Variants in SLC12A7 observed in about 807,000 individuals in gnomAD.
SLC12A7 encodes the protein solute carrier family 12 member 7.
In SLC12A7, 100 loss-of-function variants were observed where a neutral mutation model predicts 120.6. The ratio of observed to expected loss-of-function variants is 0.83; its 90% CI spans 0.71 to 0.98. The LOEUF (loss-of-function observed/expected upper bound fraction) is 0.98, where lower values mean the gene tolerates loss of function less well. Among genes scored for constraint, SLC12A7 ranks in the 50% least tolerant of loss-of-function variants. The pLI, the probability that SLC12A7 is intolerant of heterozygous loss-of-function variation, is 0.00. For synonymous variants in SLC12A7, 760 were observed against 678.0 expected (o/e 1.12, Z -1.88); for missense variants, 1,373 against 1,548.1 (o/e 0.89, Z 1.90).
chr5:1,122,548 A>ATT, the SLC12A7 span, among the ~76,000 whole-genome samples: 5 of 152,234 alleles, frequency 3.3e-5, no homozygotes, highest in Non-Finnish European at 7.3e-5. Context: ...GACGAACCGC[A>ATT]TTCCCACAGC....
chr5:1,053,275 A>G (rs1199129464), intron 23 of SLC12A7, 74 bp downstream of exon 23: 2 of 1,541,768 alleles, frequency 1.3e-6, no homozygotes, highest in African/African-American at 2.7e-5. Context: ...CCCAGCACCC[A>G]CAAACCCAGG....
chr5:1,101,821 C>T (rs1039838320), intron 1 of SLC12A7, among the ~76,000 whole-genome samples: 5 of 150,710 alleles, frequency 3.3e-5, no homozygotes, highest in African/African-American at 7.4e-5. Flanking sequence ...TGTGGCCCTC[C>T]GGAGCCGCTT....
the SLC12A7 span, among the ~76,000 whole-genome samples, chr5:1,146,692 C>T: frequency 6.6e-6 from 1 of 152,210 alleles, no homozygotes. The surrounding 1 kb of genome is among the most constrained non-coding windows in gnomAD (Gnocchi z 6.5). Context: ...ACAATCTCTT[C>T]TCTCTGGAGC....
At chr5:1,053,553 G>C in intron 22 of SLC12A7, 71 bp from the exon 23 acceptor site, 1 of 1,556,946 alleles carries the variant, frequency 6.4e-7, no homozygotes, top group Non-Finnish European at 8.7e-7. Context: ...GCTGAGCTGA[G>C]CCCTGATGAG....
the SLC12A7 span, among the ~76,000 whole-genome samples, chr5:1,121,417 C>G: frequency 1.3e-5 from 2 of 152,206 alleles, no homozygotes; most frequent in Non-Finnish European, 2.9e-5. Flanking sequence ...CATCAGCGCC[C>G]GTGTGCGGAT....
intron 13 of SLC12A7, 61 bp from the exon 14 acceptor site, chr5:1,076,297 G>A (rs2150833470): frequency 7.2e-7 from 1 of 1,387,702 alleles, no homozygotes. Context: ...CCCAGTCACT[G>A]CCACCTGGGA....
At chr5:1,076,590 C>T (rs1048426146) in intron 13 of SLC12A7, 104 bp downstream of exon 13, 53 of 823,338 alleles carry the variant, frequency 6.4e-5, no homozygotes, top group Admixed American at 2.3e-4. Flanking sequence ...CCACAGCTGG[C>T]CATGCCTGTC....
At chr5:1,096,683 G>C (rs569655755) in intron 1 of SLC12A7, among the ~76,000 whole-genome samples, 131 of 121,116 alleles carry the variant, frequency 1.1e-3, no homozygotes, top group African/African-American at 4.0e-3. Flanking sequence ...GAAGAAAGGA[G>C]GGAGGGGGGA....
chr5:1,111,967 G>A lies in SLC12A7; in HGVS notation c.25C>T (p.Pro9Ser), dbSNP rs777818057. 6 of 1,292,264 alleles carry A rather than the reference G, an allele frequency of 4.6e-6. No homozygotes were observed. The African/African-American group carries it at 7.6e-5, about 16-fold the overall frequency. The allele number at this position is 1,292,264 out of a possible 1,614,324, so 80.0% of individuals were successfully genotyped here. A position where few individuals can be genotyped will look rare whatever the true frequency, so the allele number is the denominator to read the frequency against. The change falls in exon 1 of 24, where the codon CCC (proline) becomes TCC (serine). Residue 9 changes from proline (P) to serine (S), a missense_variant. Transcript: ENST00000264930. ...CCGCCGTCGGCGTGAGCCTCCACGG[G>A]CACCACGGTGAAGTTGGTGGGCATG... MPTNFTVV[P>S]VEAHADGGGD... is the part of the protein sequence containing the mutation.
At chr5:1,062,679 GGCTGGGGGGCTGGGGGACTGAGGGA>G (rs1160221697) in intron 20 of SLC12A7, among the ~76,000 whole-genome samples, 2 of 43,122 alleles carry the variant, frequency 4.6e-5, no homozygotes, top group Non-Finnish European at 9.1e-5. Flanking sequence ...AGGGCTGGGG[GGCTGGGGGGCTGGGGGACTGAGGGA>G]CTGGGGGACT....
chr5:1,092,720 G>A (rs895003844), intron 3 of SLC12A7, among the ~76,000 whole-genome samples: 14 of 152,170 alleles, frequency 9.2e-5, no homozygotes, highest in Admixed American at 2.0e-4. Context: ...GGTTTCTTCC[G>A]GTGGATTATT....
chr5:1,139,673 G>A, the SLC12A7 span, among the ~76,000 whole-genome samples: 1 of 152,244 alleles, frequency 6.6e-6, no homozygotes. Flanking sequence ...TTCCCCGAGT[G>A]CACACGGCGA....
At chr5:1,136,530 G>A in the SLC12A7 span, among the ~76,000 whole-genome samples, 60 of 119,570 alleles carry the variant, frequency 5.0e-4, no homozygotes, top group East Asian at 2.4e-3. Flanking sequence ...ACCAGTACAC[G>A]CAGGCACACG....
intron 7 of SLC12A7, among the ~76,000 whole-genome samples, chr5:1,084,985 C>A (rs1042192005): frequency 3.9e-5 from 6 of 152,256 alleles, no homozygotes; most frequent in East Asian, 1.9e-4. Context: ...AGACCCCTCA[C>A]CAGCCCTCCT....
chr5:1,064,533 G>A (rs982077137), intron 18 of SLC12A7, among the ~76,000 whole-genome samples: 1 of 152,266 alleles, frequency 6.6e-6, no homozygotes, highest in Admixed American at 6.5e-5. Flanking sequence ...CCAGGGCCAG[G>A]GCCTTCGACA....
At chr5:1,138,115 C>A in the SLC12A7 span, among the ~76,000 whole-genome samples, 2 of 152,190 alleles carry the variant, frequency 1.3e-5, no homozygotes, top group Non-Finnish European at 2.9e-5. Context: ...AGTCCCAGAT[C>A]TTTGCAGTGT....
intron 1 of SLC12A7, among the ~76,000 whole-genome samples, chr5:1,111,179 G>A (rs907514130): frequency 6.6e-6 from 1 of 152,174 alleles, no homozygotes; most frequent in Non-Finnish European, 1.5e-5. Context: ...GGGAGTAACT[G>A]GGATTTGGAG....
At chr5:1,055,337 G>GT (rs1335852599) in intron 22 of SLC12A7, among the ~76,000 whole-genome samples, 1 of 152,234 alleles carries the variant, frequency 6.6e-6, no homozygotes, top group African/African-American at 2.4e-5. Context: ...ACACAGGCAG[G>GT]TACACGTCCA....
chr5:1,144,898 C>G, the SLC12A7 span, among the ~76,000 whole-genome samples: 1 of 152,252 alleles, frequency 6.6e-6, no homozygotes, highest in East Asian at 1.9e-4. Context: ...TGGCTTTAAA[C>G]CAGTGTTCAA....
Sources: gnomAD v4.1 joint callset for allele counts (sites outside exome capture counted in the v4.1 genomes callset) on GRCh38, gnomAD v4.1.1 for gene constraint, Gnocchi (gnomAD v3.1) non-coding constraint, MANE v1.5 for transcripts, NCBI Gene and HGNC (gene_info 2026-07-23, HGNC 2026-07-21) for gene names.